STK10: variants seen among roughly 807,000 people sequenced by gnomAD.
STK10 encodes serine/threonine kinase 10.
Under a neutral mutation model 113.8 loss-of-function variants are expected in STK10, and 78 were observed. The observed-to-expected ratio is 0.69, with a 90% confidence interval of 0.57 to 0.83. The LOEUF (loss-of-function observed/expected upper bound fraction) is 0.83. Among genes scored for constraint, STK10 ranks in the 40% least tolerant of loss-of-function variants. The probability of loss-of-function intolerance (pLI) is 0.00; values close to 1 mark genes in which losing one functional copy is unlikely to be tolerated. For synonymous variants in STK10, 465 were observed against 494.7 expected (o/e 0.94, Z 0.80); for missense variants, 1,109 against 1,280.1 (o/e 0.87, Z 2.04).
intron 2 of STK10, among the ~76,000 whole-genome samples, chr5:172,146,921 C>T (rs979583384): frequency 2.6e-5 from 4 of 152,202 alleles, no homozygotes; most frequent in Non-Finnish European, 4.4e-5. Flanking sequence ...CGGGAGACAG[C>T]GTCAGATCTC....
At chr5:172,149,319 CT>C (rs1396232465) in intron 2 of STK10, among the ~76,000 whole-genome samples, 1 of 152,234 alleles carries the variant, frequency 6.6e-6, no homozygotes, top group Admixed American at 6.5e-5. Context: ...TTACCACCCC[CT>C]GCCTCCTGAT....
At chr5:172,155,076 G>T (rs573970246) in intron 2 of STK10, among the ~76,000 whole-genome samples, 4 of 120,092 alleles carry the variant, frequency 3.3e-5, no homozygotes. Context: ...AATGCTGTAT[G>T]CACAGAGAGG....
chr5:172,103,360 CT>C (rs767361481), intron 7 of STK10, among the ~76,000 whole-genome samples: 2 of 152,268 alleles, frequency 1.3e-5, no homozygotes, highest in Non-Finnish European at 2.9e-5. Flanking sequence ...TTCTGCAACC[CT>C]TTCTGCTGGA....
chr5:172,156,860 A>C (rs1006691312), intron 1 of STK10, 72 bp from the exon 2 acceptor site: 1 of 1,536,576 alleles, frequency 6.5e-7, no homozygotes, highest in Non-Finnish European at 8.8e-7. Flanking sequence ...GTGAGCCCGC[A>C]GTCCTGCATG....
intron 1 of STK10, among the ~76,000 whole-genome samples, chr5:172,179,300 A>G (rs527991320): frequency 6.6e-6 from 1 of 152,268 alleles, no homozygotes; most frequent in East Asian, 1.9e-4. Flanking sequence ...TAGGGCCAGG[A>G]CTAGGACCCA....
intron 1 of STK10, among the ~76,000 whole-genome samples, chr5:172,184,008 A>C (rs1457251127): frequency 2.0e-5 from 3 of 152,204 alleles, no homozygotes; most frequent in Admixed American, 6.5e-5. Context: ...CTCTCCTGAC[A>C]CTGTGACAAA....
At chr5:172,153,994 C>A (rs983648183) in intron 2 of STK10, among the ~76,000 whole-genome samples, 1 of 152,228 alleles carries the variant, frequency 6.6e-6, no homozygotes, top group African/African-American at 2.4e-5. Context: ...ACTTCTCAAA[C>A]TGCCTCCACG....
chr5:172,096,697 C>T lies in STK10; in HGVS notation c.871-137G>A, dbSNP rs1019734915. ...AAATGTGCACATGAACTTGGAGACC[C>T]AGAGACAGCCTGGAAAGTCCCAAGT... On this transcript the variant is annotated intron_variant, in intron 7 of 18. Transcript: ENST00000176763. 9.2e-6 allele frequency: 11 copies of T among 1,199,900 alleles called. No individual in the cohort carries two copies. The highest frequency in any genetic ancestry group is 2.1e-5 in the Admixed American group (1 of 48,404). The allele number at this position is 1,199,900 out of a possible 1,614,324, so 74.3% of individuals were successfully genotyped here. A position where few individuals can be genotyped will look rare whatever the true frequency, so the allele number is the denominator to read the frequency against.
intron 18 of STK10, among the ~76,000 whole-genome samples, chr5:172,048,152 T>C (rs1465122900): frequency 2.0e-5 from 3 of 152,144 alleles, no homozygotes; most frequent in African/African-American, 7.2e-5. Context: ...TAGATGTCAC[T>C]ATGAAGGTAT....
At chr5:172,181,016 A>C (rs1194523751) in intron 1 of STK10, among the ~76,000 whole-genome samples, 1 of 152,190 alleles carries the variant, frequency 6.6e-6, no homozygotes, top group Non-Finnish European at 1.5e-5. Context: ...AGAAAACTGC[A>C]CTCAGCTGAC....
chr5:172,130,709 G>A (rs1769735908), intron 2 of STK10, among the ~76,000 whole-genome samples: 1 of 152,096 alleles, frequency 6.6e-6, no homozygotes, highest in Non-Finnish European at 1.5e-5. Flanking sequence ...ATCTCCCTGA[G>A]CCTCCATTTC....
chr5:172,051,881 G>T (rs1367197674), intron 18 of STK10, among the ~76,000 whole-genome samples: 1 of 152,192 alleles, frequency 6.6e-6, no homozygotes, highest in Non-Finnish European at 1.5e-5. Context: ...TTCTCAGTGG[G>T]TGGAGGAAGA....
At chr5:172,127,812 C>A (rs1351112816) in intron 2 of STK10, among the ~76,000 whole-genome samples, 3 of 152,222 alleles carry the variant, frequency 2.0e-5, no homozygotes, top group African/African-American at 7.2e-5. Flanking sequence ...GATGCCTTCC[C>A]CCGGCCAAGC....
chr5:172,054,723 G>A (rs766656743), intron 16 of STK10, 29 bp from the exon 17 acceptor site: 1 of 1,605,078 alleles, frequency 6.2e-7, no homozygotes, highest in Admixed American at 1.7e-5. Flanking sequence ...GGGTGCCTCA[G>A]GGGACCAGGG....
chr5:172,156,925 T>A, intron 1 of STK10, 137 bp from the exon 2 acceptor site: 1 of 952,266 alleles, frequency 1.1e-6, no homozygotes, highest in South Asian at 1.7e-5. Flanking sequence ...TACATTGTTC[T>A]TAACAATAGC....
chr5:172,054,105 C>G lies in STK10; in HGVS notation c.2652+464G>C, dbSNP rs564702267. Among the ~76,000 whole-genome samples the G allele has an allele frequency of 1.1e-4, 17 of 152,330 alleles. No individual in the cohort carries two copies. The East Asian group carries it at 3.3e-3, about 29-fold the overall frequency. Reference sequence around the variant, plus strand: ...AATCAGCCCCGTCCCCACAAGGGGGCTTCAAGTACCAGCTCCTGGGGCCAG... The same window carrying G: ...AATCAGCCCCGTCCCCACAAGGGGGGTTCAAGTACCAGCTCCTGGGGCCAG... On this transcript the variant is annotated intron_variant, in intron 17 of 18. Transcript: ENST00000176763.
At chr5:172,048,990 C>T (rs940830508) in intron 18 of STK10, among the ~76,000 whole-genome samples, 6 of 152,124 alleles carry the variant, frequency 3.9e-5, no homozygotes, top group Admixed American at 1.3e-4. Context: ...CGGCTGCACG[C>T]CTCCCTCCCT....
chr5:172,164,324 T>C (rs1046367874), intron 1 of STK10, among the ~76,000 whole-genome samples: 1 of 151,912 alleles, frequency 6.6e-6, no homozygotes, highest in Non-Finnish European at 1.5e-5. Flanking sequence ...CCTTGACTTC[T>C]AGCCTCCAGC....
At chr5:172,179,965 C>T (rs1188867618) in intron 1 of STK10, among the ~76,000 whole-genome samples, 1 of 152,182 alleles carries the variant, frequency 6.6e-6, no homozygotes, top group Non-Finnish European at 1.5e-5. Flanking sequence ...TGTCACATCA[C>T]TCCTAAAGCC....
Sources: gnomAD v4.1 joint callset for allele counts (sites outside exome capture counted in the v4.1 genomes callset) on GRCh38, gnomAD v4.1.1 for gene constraint, MANE v1.5 for transcripts, NCBI Gene and HGNC (gene_info 2026-07-23, HGNC 2026-07-21) for gene names.